The following HS3ST4 variants were observed in gnomAD, a reference collection of about 807,000 sequenced individuals.
HS3ST4 encodes heparan sulfate-glucosamine 3-sulfotransferase 4.
HS3ST4 carries 17 observed loss-of-function variants against 29.2 expected under a neutral mutation model. The ratio of observed to expected loss-of-function variants is 0.58; its 90% CI spans 0.40 to 0.87. HS3ST4 has a LOEUF of 0.87. Ranked by LOEUF, HS3ST4 falls within the 40% of genes least tolerant of loss-of-function variation. The pLI, the probability that HS3ST4 is intolerant of heterozygous loss-of-function variation, is 0.00. For synonymous variants in HS3ST4, 314 were observed against 285.7 expected (o/e 1.10, Z -1.00); for missense variants, 627 against 634.5 (o/e 0.99, Z 0.13).
chr16:25,702,575 C>CTTGT (rs1225945379), intron 1 of HS3ST4, among the ~76,000 whole-genome samples: 1 of 151,946 alleles, frequency 6.6e-6, no homozygotes, highest in South Asian at 2.1e-4. Context: ...CTTTCCCATT[C>CTTGT]TTGTTTGTTT....
At chr16:26,065,232 A>G (rs1235121911) in intron 1 of HS3ST4, among the ~76,000 whole-genome samples, 1 of 152,236 alleles carries the variant, frequency 6.6e-6, no homozygotes, top group Admixed American at 6.5e-5. Context: ...CTGAATGCCC[A>G]TCAATGATAG....
At chr16:25,956,720 T>C (rs1450385911) in intron 1 of HS3ST4, among the ~76,000 whole-genome samples, 2 of 152,172 alleles carry the variant, frequency 1.3e-5, no homozygotes, top group Non-Finnish European at 2.9e-5. Flanking sequence ...GGGTTTTGGC[T>C]GGGCGTGGTG....
intron 1 of HS3ST4, among the ~76,000 whole-genome samples, chr16:26,006,050 G>A (rs528436308): frequency 6.6e-6 from 1 of 152,226 alleles, no homozygotes; most frequent in East Asian, 1.9e-4. Flanking sequence ...TGTAATCCCA[G>A]TACTTTGGGA....
intron 1 of HS3ST4, among the ~76,000 whole-genome samples, chr16:26,052,682 A>C (rs1898361817): frequency 6.6e-6 from 1 of 152,202 alleles, no homozygotes; most frequent in African/African-American, 2.4e-5. Flanking sequence ...CCATGTATAC[A>C]TGTTAAATGA....
chr16:26,112,573 G>C (rs1440964304), intron 1 of HS3ST4, among the ~76,000 whole-genome samples: 3 of 151,710 alleles, frequency 2.0e-5, no homozygotes, highest in Admixed American at 1.3e-4. Context: ...ACCATCTGAA[G>C]ATGATAAAGA....
intron 1 of HS3ST4, among the ~76,000 whole-genome samples, chr16:25,752,555 G>A (rs1966729303): frequency 6.6e-6 from 1 of 152,276 alleles, no homozygotes; most frequent in African/African-American, 2.4e-5. Context: ...GCTGGCTTGG[G>A]AATTGTGCTG....
chr16:25,769,942 C>T (rs1004912680), intron 1 of HS3ST4, among the ~76,000 whole-genome samples: 16 of 152,282 alleles, frequency 1.1e-4, no homozygotes, highest in African/African-American at 3.6e-4. Context: ...GTCTCTCCAG[C>T]CCCTTCTCCT....
At chr16:26,126,846 T>C (rs1193594856) in intron 1 of HS3ST4, among the ~76,000 whole-genome samples, 2 of 152,192 alleles carry the variant, frequency 1.3e-5, no homozygotes, top group African/African-American at 4.8e-5. Flanking sequence ...TAAGAAACCC[T>C]AGGTAAGACC....
chr16:25,870,247 A>G (rs942266317), intron 1 of HS3ST4, among the ~76,000 whole-genome samples: 1 of 152,084 alleles, frequency 6.6e-6, no homozygotes, highest in Non-Finnish European at 1.5e-5. Flanking sequence ...ATCCATCCAT[A>G]TATCCCCTTT....
At chr16:25,846,097 C>T (rs1475092294) in intron 1 of HS3ST4, among the ~76,000 whole-genome samples, 9 of 152,180 alleles carry the variant, frequency 5.9e-5, no homozygotes, top group Admixed American at 5.9e-4. Context: ...GTAGCTCAGG[C>T]TTGTCAGCAG....
chr16:25,895,582 C>G (rs535507335), intron 1 of HS3ST4, among the ~76,000 whole-genome samples: 3 of 152,182 alleles, frequency 2.0e-5, no homozygotes, highest in African/African-American at 7.2e-5. Context: ...ATGCTGTGGA[C>G]TGGGCGCCTT....
chr16:25,775,552 A>G (rs1490447517), intron 1 of HS3ST4, among the ~76,000 whole-genome samples: 3 of 152,144 alleles, frequency 2.0e-5, no homozygotes, highest in Non-Finnish European at 4.4e-5. Context: ...GCTGTGTCTG[A>G]AAAGTCACTC....
chr16:25,992,148 A>T (rs764181492), intron 1 of HS3ST4, among the ~76,000 whole-genome samples: 1 of 152,220 alleles, frequency 6.6e-6, no homozygotes, highest in East Asian at 1.9e-4. Context: ...CCCTGTCCTC[A>T]TGGAGTTTGT....
At chr16:26,019,964 G>A (rs535289532) in intron 1 of HS3ST4, among the ~76,000 whole-genome samples, 2 of 152,208 alleles carry the variant, frequency 1.3e-5, no homozygotes, top group East Asian at 1.9e-4. Flanking sequence ...TCTCTCCAGC[G>A]AGTGATTTAA....
At chr16:26,094,848 G>A (rs1469357456) in intron 1 of HS3ST4, among the ~76,000 whole-genome samples, 2 of 152,172 alleles carry the variant, frequency 1.3e-5, no homozygotes, top group African/African-American at 2.4e-5. Flanking sequence ...AGACCCATCA[G>A]TGTGCTGTAT....
At chr16:26,052,745 A>C (rs1898362474) in intron 1 of HS3ST4, among the ~76,000 whole-genome samples, 1 of 152,238 alleles carries the variant, frequency 6.6e-6, no homozygotes, top group African/African-American at 2.4e-5. Flanking sequence ...ACCTTTAGGG[A>C]GCCAAGGGCT....
chr16:26,103,862 G>A lies in HS3ST4; in HGVS notation c.735-31750G>A, dbSNP rs188237389. Among the ~76,000 whole-genome samples, 54 of 152,292 alleles carry A rather than the reference G, an allele frequency of 3.5e-4. 1 individual carries two copies. The East Asian group carries it at 7.7e-3, about 22-fold the overall frequency. On this transcript the variant is annotated intron_variant, in intron 1 of 1. Coordinates refer to ENST00000331351, the MANE Select transcript of HS3ST4 (RefSeq NM_006040.3). ...TAAAAACCACTCAGAATCTTCAGAA[G>A]TAGATAAAATATAAGACAACACCCA...
chr16:25,855,253 G>C (rs1343297282), intron 1 of HS3ST4, among the ~76,000 whole-genome samples: 1 of 152,142 alleles, frequency 6.6e-6, no homozygotes. Context: ...GGAAGTCAAA[G>C]TTCTTGTTAT....
intron 1 of HS3ST4, among the ~76,000 whole-genome samples, chr16:26,062,095 T>C (rs1387352104): frequency 6.6e-6 from 1 of 152,206 alleles, no homozygotes. Flanking sequence ...GGGCTAAAAA[T>C]GGACAAAAAG....
Sources: gnomAD v4.1 joint callset for allele counts (sites outside exome capture counted in the v4.1 genomes callset) on GRCh38, gnomAD v4.1.1 for gene constraint, MANE v1.5 for transcripts, NCBI Gene and HGNC (gene_info 2026-07-23, HGNC 2026-07-21) for gene names.